The following EDIL3 variants were observed in gnomAD, a reference collection of about 807,000 sequenced individuals.
The protein encoded by EDIL3 is EGF like and discoidin domains 3.
In EDIL3, 37 loss-of-function variants were observed where a neutral mutation model predicts 67.4. The observed-to-expected ratio is 0.55, with a 90% CI of 0.42 to 0.72. EDIL3 has a LOEUF of 0.72. Among genes scored for constraint, EDIL3 ranks in the 30% least tolerant of loss-of-function variants. The pLI is 0.00. For missense variants in EDIL3, 527 were observed against 586.3 expected, an observed-to-expected ratio of 0.90 and a Z score of 1.04; for synonymous variants, 195 against 196.3, an observed-to-expected ratio of 0.99 and a Z score of 0.05.
At chr5:84,199,234 A>G (rs1280013744) in intron 3 of EDIL3, among the ~76,000 whole-genome samples, 1 of 151,834 alleles carries the variant, frequency 6.6e-6, no homozygotes, top group East Asian at 1.9e-4. Flanking sequence ...CCTTTGTCCT[A>G]TTTTCCTTTA....
rs543280568 is a variant in EDIL3, at chr5:84,238,884, G to A, written c.197-9000C>T. On this transcript the variant is annotated intron_variant, in intron 2 of 10. Coordinates refer to ENST00000296591, the MANE Select transcript of EDIL3 (RefSeq NM_005711.5). ...TTTAAGGCAATGAAAATTGAATAAA[G>A]GTGCAGGACTATTCAGGGTGGGCCC... Among the ~76,000 whole-genome samples, 5 of 151,924 alleles carry A rather than the reference G, an allele frequency of 3.3e-5. No individual in the cohort carries two copies. In the East Asian group the frequency reaches 5.8e-4, roughly 18 times the overall value.
At chr5:84,009,317 A>G (rs1048297469) in intron 9 of EDIL3, among the ~76,000 whole-genome samples, 1 of 152,192 alleles carries the variant, frequency 6.6e-6, no homozygotes, top group Non-Finnish European at 1.5e-5. Flanking sequence ...AGTGATCATC[A>G]TTAACCTGAT....
intron 4 of EDIL3, among the ~76,000 whole-genome samples, chr5:84,177,272 TA>T (rs1250161102): frequency 6.6e-5 from 10 of 152,130 alleles, no homozygotes; most frequent in South Asian, 2.1e-4. Flanking sequence ...GTAAATAAAC[TA>T]TTAAGTCCTA....
At chr5:84,280,440 G>A (rs1478705423) in intron 1 of EDIL3, among the ~76,000 whole-genome samples, 3 of 152,128 alleles carry the variant, frequency 2.0e-5, no homozygotes, top group African/African-American at 4.8e-5. Flanking sequence ...TTATCAGACA[G>A]TATTCTTATG....
At chr5:84,191,518 T>C (rs1319012834) in intron 3 of EDIL3, among the ~76,000 whole-genome samples, 1 of 152,032 alleles carries the variant, frequency 6.6e-6, no homozygotes, top group Non-Finnish European at 1.5e-5. Flanking sequence ...TGAGGAGGCA[T>C]AAAACAAAGC....
At chr5:84,029,777 C>G (rs1287468878) in intron 9 of EDIL3, among the ~76,000 whole-genome samples, 1 of 152,102 alleles carries the variant, frequency 6.6e-6, no homozygotes, top group African/African-American at 2.4e-5. Context: ...ACAGGGCACT[C>G]TACTCAAAAT....
chr5:83,996,984 G>A (rs1384637313), intron 9 of EDIL3, among the ~76,000 whole-genome samples: 1 of 152,168 alleles, frequency 6.6e-6, no homozygotes, highest in Admixed American at 6.6e-5. Context: ...CAAGTGAACA[G>A]GCAGGAAGAC....
intron 6 of EDIL3, among the ~76,000 whole-genome samples, chr5:84,104,250 G>A (rs192413898): frequency 1.2e-3 from 181 of 152,028 alleles, no homozygotes; most frequent in Middle Eastern, 6.8e-3. Flanking sequence ...TGGGAGGAGG[G>A]AAAGGACTAG....
intron 3 of EDIL3, among the ~76,000 whole-genome samples, chr5:84,211,134 A>G (rs1403940453): frequency 6.6e-6 from 1 of 152,208 alleles, no homozygotes; most frequent in Non-Finnish European, 1.5e-5. Context: ...CGGCCATGCC[A>G]AGTCTCATGT....
chr5:84,127,704 T>C (rs1445642652), intron 5 of EDIL3, among the ~76,000 whole-genome samples: 2 of 152,148 alleles, frequency 1.3e-5, no homozygotes, highest in African/African-American at 2.4e-5. Flanking sequence ...ATTCCTCTTC[T>C]GTTTCTTGGA....
chr5:84,262,658 G>GTTTTTTTTT (rs1561238679), intron 1 of EDIL3, among the ~76,000 whole-genome samples: 1 of 35,480 alleles, frequency 2.8e-5, no homozygotes, highest in African/African-American at 8.5e-5. Flanking sequence ...AAGGTTGGTT[G>GTTTTTTTTT]GTTTTTTTTT....
chr5:84,079,092 G>A (rs1327684021), intron 6 of EDIL3, among the ~76,000 whole-genome samples: 3 of 152,114 alleles, frequency 2.0e-5, no homozygotes, highest in South Asian at 2.1e-4. Context: ...CAAAGAACAG[G>A]TTTCAGACAG....
At chr5:84,007,691 G>T (rs769214198) in intron 9 of EDIL3, among the ~76,000 whole-genome samples, 12 of 152,136 alleles carry the variant, frequency 7.9e-5, no homozygotes, top group Non-Finnish European at 7.4e-5. Flanking sequence ...ATGTAAATTA[G>T]TACAGCCACT....
At chr5:84,225,462 G>C (rs1454453372) in intron 3 of EDIL3, among the ~76,000 whole-genome samples, 1 of 151,652 alleles carries the variant, frequency 6.6e-6, no homozygotes, top group African/African-American at 2.4e-5. Flanking sequence ...TGGGAACAAA[G>C]TGGAGGGATC....
chr5:84,121,935 C>G (rs1457148016), intron 5 of EDIL3, among the ~76,000 whole-genome samples: 1 of 151,906 alleles, frequency 6.6e-6, no homozygotes, highest in Non-Finnish European at 1.5e-5. Flanking sequence ...GGGTCCTGAC[C>G]GATAAATGGG....
chr5:83,961,270 A>T (rs1744602683), intron 10 of EDIL3, among the ~76,000 whole-genome samples: 1 of 151,142 alleles, frequency 6.6e-6, no homozygotes, highest in South Asian at 2.1e-4. Context: ...CCATAATGAC[A>T]GTTGAAAATT....
chr5:84,055,460 G>T (rs1356084162), intron 9 of EDIL3, among the ~76,000 whole-genome samples: 1 of 147,886 alleles, frequency 6.8e-6, no homozygotes, highest in Non-Finnish European at 1.5e-5. Context: ...TGACAAATGG[G>T]ATCTAATTAA....
chr5:84,148,558 A>G (rs748764760), intron 4 of EDIL3, among the ~76,000 whole-genome samples: 5 of 152,158 alleles, frequency 3.3e-5, no homozygotes, highest in Non-Finnish European at 7.4e-5. Flanking sequence ...GGGTTGGTAA[A>G]TACAGAAAAG....
At chr5:84,267,262 T>C (rs1267673255) in intron 1 of EDIL3, among the ~76,000 whole-genome samples, 1 of 152,212 alleles carries the variant, frequency 6.6e-6, no homozygotes, top group African/African-American at 2.4e-5. Flanking sequence ...CCTTCTTATC[T>C]TTTGGAAAGC....
Sources: allele counts gnomAD v4.1 joint callset (sites outside exome capture counted in the v4.1 genomes callset), GRCh38; gene constraint gnomAD v4.1.1; transcripts MANE v1.5; gene names NCBI Gene and HGNC (gene_info 2026-07-23, HGNC 2026-07-21).